Variants in SLC26A1 observed in about 807,000 individuals in gnomAD.
The protein encoded by SLC26A1 is solute carrier family 26 member 1.
SLC26A1 carries 18 observed loss-of-function variants against 14.5 expected under a neutral mutation model. The observed-to-expected ratio is 1.24, with a 90% confidence interval of 0.86 to 1.84. The LOEUF is 1.84. Among genes scored for constraint, SLC26A1 ranks in the 40% most tolerant of loss-of-function variants. The pLI is 0.00. For missense variants in SLC26A1, 1,049 were observed against 1,020.0 expected (o/e 1.03, Z -0.39); for synonymous variants, 505 against 492.0 (o/e 1.03, Z -0.35).
At chr4:985,557 T>C (rs1486439016), downstream of SLC26A1, among the ~76,000 whole-genome samples, 5 of 152,212 alleles carry the variant, frequency 3.3e-5, no homozygotes, top group Non-Finnish European at 7.3e-5. Context: ...TTATCCATCA[T>C]TTTAGTTGTT....
chr4:984,585 C>T (rs1167598598), downstream of SLC26A1, among the ~76,000 whole-genome samples: 2 of 152,070 alleles, frequency 1.3e-5, no homozygotes, highest in African/African-American at 4.8e-5. Flanking sequence ...AATCCCAGCA[C>T]TTTGGGAGGC....
At chr4:993,096 G>A (rs1714497109) in intron 1 of SLC26A1, among the ~76,000 whole-genome samples, 1 of 152,136 alleles carries the variant, frequency 6.6e-6, no homozygotes, top group Non-Finnish European at 1.5e-5. Flanking sequence ...CCCCTTCCCT[G>A]GAAGACCCCA....
downstream of SLC26A1, chr4:986,929 C>CCCCGAGGCCA (rs1560531330): frequency 4.1e-6 from 3 of 732,456 alleles, no homozygotes; most frequent in Non-Finnish European, 7.0e-6. Context: ...CCCCGAGGCT[C>CCCCGAGGCCA]CCCGAGGCCA....
downstream of SLC26A1, chr4:987,058 C>T (rs774596398): frequency 5.3e-6 from 8 of 1,511,990 alleles, no homozygotes; most frequent in African/African-American, 1.4e-5. Context: ...CAGCCCGAAG[C>T]CCCGCAGTCC....
rs1183460248 is a variant in SLC26A1 at position 988,789 on chromosome 4, G to T, written c.*44C>A. 2 of 1,485,066 alleles carry T rather than the reference G, an allele frequency of 1.3e-6. No homozygotes were observed. Among genetic ancestry groups the T allele is most frequent in the Non-Finnish European group, 1.8e-6 (2 of 1,117,044 alleles). 92.0% of individuals were successfully genotyped at this position (1,485,066 alleles called of 1,614,324 possible). A position where few individuals can be genotyped will look rare whatever the true frequency, so the allele number is the denominator to read the frequency against. On this transcript the variant is annotated 3_prime_UTR_variant, in exon 3 of 3. Transcript: ENST00000398516. ...CAGTGGCTTGCAGACGTCTGCTGTG[G>T]GTCCCCAGGAGGGAGCAGAGGCTGC...
At position 988,815 on chromosome 4, in the gene SLC26A1, T is replaced by A. The variant is rs536157884; in HGVS notation, c.*18A>T. ...GTCCCCAGGAGGGAGCAGAGGCTGCTGGGCAGGCCTGGCCCTGCTACAGAT... is the reference window on the plus strand; with the variant it reads ...GTCCCCAGGAGGGAGCAGAGGCTGCAGGGCAGGCCTGGCCCTGCTACAGAT... On this transcript the variant is annotated 3_prime_UTR_variant, in exon 3 of 3. Coordinates refer to ENST00000398516, the MANE Select transcript of SLC26A1 (RefSeq NM_022042.4). The A allele has an allele frequency of 2.7e-5, 42 of 1,548,930 alleles. No homozygotes were observed. The East Asian group carries it at 9.9e-4, about 36-fold the overall frequency.
downstream of SLC26A1, among the ~76,000 whole-genome samples, chr4:987,502 G>C (rs1191408662): frequency 1.3e-5 from 2 of 152,210 alleles, no homozygotes; most frequent in African/African-American, 4.8e-5. Flanking sequence ...TCCCCTGGGA[G>C]TGGACGGCCC....
chr4:986,946 C>T (rs1022496324), downstream of SLC26A1: 13 of 666,224 alleles, frequency 2.0e-5, no homozygotes, highest in African/African-American at 5.5e-5. Flanking sequence ...GCCACCCAAC[C>T]CCTCCCACCC....
intron 2 of SLC26A1, among the ~76,000 whole-genome samples, chr4:982,320 C>T (rs541622678): frequency 2.4e-4 from 37 of 152,206 alleles, no homozygotes; most frequent in Non-Finnish European, 5.1e-4. Context: ...CCCTTGCTGT[C>T]TTCCATCTGT....
chr4:989,437 A>G lies in SLC26A1; in HGVS notation c.1502T>C (p.Leu501Pro). The G allele has an allele frequency of 6.4e-7, 1 of 1,554,382 alleles. No homozygotes were observed. Among genetic ancestry groups the G allele is most frequent in the Non-Finnish European group, 8.7e-7 (1 of 1,149,296 alleles). The change falls in exon 3 of 3, where the codon CTG (leucine) becomes CCG (proline). Residue 501 changes from leucine (L) to proline (P), a missense_variant. By Grantham distance (98) the Leu-to-Pro change is moderately conservative. Transcript: ENST00000398516. Reference sequence around the variant, plus strand: ...GCGTGGGCGTTGGGTGCGGCCGGCCAGGCTGAGCAGCGAGAGGATGACGCC... The same window carrying G: ...GCGTGGGCGTTGGGTGCGGCCGGCCGGGCTGAGCAGCGAGAGGATGACGCC... ...LAGVILSLLS[L>P]AGRTQRPRTA...
chr4:991,968 A>G (rs1714388432), intron 1 of SLC26A1: 4 of 763,892 alleles, frequency 5.2e-6, no homozygotes, highest in Non-Finnish European at 9.0e-6. Context: ...CACCAAGCCC[A>G]TGCCATGGGG....
At chr4:992,693 GGCCGGCAGA>G (rs1714466259) in intron 1 of SLC26A1, 1 of 156,844 alleles carries the variant, frequency 6.4e-6, no homozygotes, top group Non-Finnish European at 1.4e-5. Flanking sequence ...AGTCACCCTG[GGCCGGCAGA>G]GCCGGAAGGG....
At chr4:984,979 T>C (rs746029893), downstream of SLC26A1, among the ~76,000 whole-genome samples, 2 of 152,210 alleles carry the variant, frequency 1.3e-5, no homozygotes, top group Non-Finnish European at 2.9e-5. Context: ...TGTCTGTTTT[T>C]GTTTTGTTTT....
chr4:992,101 C>T (rs1431572444), intron 1 of SLC26A1: 2 of 508,284 alleles, frequency 3.9e-6, no homozygotes, highest in East Asian at 1.0e-4. Context: ...GCTCACCTCC[C>T]CAACGGGGCA....
Position 990,364 on chromosome 4 carries a change from T to C in SLC26A1, c.577-2A>G. On this transcript the variant is annotated splice_acceptor_variant, in intron 2 of 2. Coordinates refer to ENST00000398516, the MANE Select transcript of SLC26A1 (RefSeq NM_022042.4). LOFTEE classifies it high-confidence loss of function. ...CAGCCGGAGGACGCCCATGAGGACC[T>C]GTGGACGGAGTGCGGTCAGGCCAGC... 6.9e-6 allele frequency: 11 copies of C among 1,591,422 alleles called. No individual in the cohort carries two copies. Among genetic ancestry groups the C allele is most frequent in the South Asian group, 1.1e-5 (1 of 87,972 alleles).
chr4:987,169 C>A, downstream of SLC26A1: 2 of 1,450,680 alleles, frequency 1.4e-6, no homozygotes, highest in Non-Finnish European at 1.8e-6. Context: ...GGCCGAGGCC[C>A]CGCACCTGGT....
exon 3 of SLC26A1, chr4:979,382 TTGA>T: frequency 7.6e-7 from 1 of 1,316,734 alleles, no homozygotes; most frequent in Non-Finnish European, 1.1e-6. Context: ...CTCGATGTCG[TTGA>T]TGTCGGCATT....
At chr4:991,773 C>T (rs1263398613) in intron 1 of SLC26A1, 43 bp from the exon 2 acceptor site, 26 of 1,528,410 alleles carry the variant, frequency 1.7e-5, no homozygotes, top group Non-Finnish European at 2.3e-5. Flanking sequence ...CCCCCGGATC[C>T]AGGGCCAAAC....
rs988935104 is a variant in SLC26A1 at position 987,696 on chromosome 4, A to G, written c.*1137T>C. 34 of 1,541,236 alleles carry G rather than the reference A, an allele frequency of 2.2e-5. No individual in the cohort carries two copies. The Middle Eastern group carries it at 6.6e-4, about 30-fold the overall frequency. On this transcript the variant is annotated 3_prime_UTR_variant, in exon 3 of 3. Transcript: ENST00000398516. ...GGTCATTTTATTAGTCACTGAACGC[A>G]CGGGCAGCGCCTGGATCCTGCGCCC...
Sources: allele counts gnomAD v4.1 joint callset (sites outside exome capture counted in the v4.1 genomes callset), GRCh38; gene constraint gnomAD v4.1.1; transcripts MANE v1.5; gene names NCBI Gene and HGNC (gene_info 2026-07-23, HGNC 2026-07-21).